Variants in TPO observed in about 807,000 individuals in gnomAD.
TPO encodes the protein thyroid peroxidase, also known as thyroid microsomal antigen.
A neutral mutation model predicts 96.9 loss-of-function variants in TPO; 78 were observed. The ratio of observed to expected loss-of-function variants is 0.81; its 90% confidence interval spans 0.67 to 0.97. TPO has a LOEUF of 0.97. TPO is among the 50% of genes least tolerant of loss of function. TPO has a pLI of 0.00. For missense variants in TPO, 1,252 were observed against 1,274.8 expected, an observed-to-expected ratio of 0.98 and a Z score of 0.27; for synonymous variants, 547 against 538.0, an observed-to-expected ratio of 1.02 and a Z score of -0.23.
chr2:1,512,456 A>G, intron 14 of TPO: 2 of 985,448 alleles, frequency 2.0e-6, no homozygotes, highest in South Asian at 9.4e-5. Context: ...GCCCGTGCTC[A>G]GGGCAGCTGT....
upstream of TPO, among the ~76,000 whole-genome samples, chr2:1,410,454 G>A (rs377350999): frequency 6.6e-6 from 1 of 152,186 alleles, no homozygotes; most frequent in Non-Finnish European, 1.5e-5. Context: ...ATTACAGGTG[G>A]TCCTGGGCCT....
At chr2:1,471,355 C>G (rs1227462620) in intron 7 of TPO, among the ~76,000 whole-genome samples, 2 of 152,098 alleles carry the variant, frequency 1.3e-5, no homozygotes, top group Non-Finnish European at 2.9e-5. Context: ...ACATTTCTCA[C>G]CCTCTTATGC....
intron 7 of TPO, among the ~76,000 whole-genome samples, chr2:1,459,518 A>G (rs13394978): frequency 0.38 from 57,136 of 151,952 alleles, 10,932 homozygotes; most frequent in South Asian, 0.48. Context: ...CATTCATTCA[A>G]TAAAACTTCA....
At chr2:1,472,494 A>G (rs914637712) in intron 7 of TPO, among the ~76,000 whole-genome samples, 2 of 152,184 alleles carry the variant, frequency 1.3e-5, no homozygotes, top group African/African-American at 4.8e-5. Flanking sequence ...TGCTGAGTAC[A>G]CGTTCTGTAT....
intron 13 of TPO, among the ~76,000 whole-genome samples, chr2:1,503,346 G>A (rs1673060006): frequency 6.6e-6 from 1 of 152,228 alleles, no homozygotes; most frequent in Non-Finnish European, 1.5e-5. Context: ...GAAGACCTGT[G>A]ACACGCTACA....
chr2:1,405,593 C>A (rs1662239235), intron 1 of TPO, among the ~76,000 whole-genome samples: 1 of 152,040 alleles, frequency 6.6e-6, no homozygotes, highest in Non-Finnish European at 1.5e-5. Flanking sequence ...CCTTTTATCT[C>A]CCCCAGAACA....
chr2:1,526,676 ATCC>A (rs1393419951), intron 15 of TPO, among the ~76,000 whole-genome samples: 1 of 84,450 alleles, frequency 1.2e-5, no homozygotes, highest in African/African-American at 5.1e-5. Flanking sequence ...AACTGTGTTC[ATCC>A]TCCCCAAATC....
In TPO at chr2:1,540,154, G is replaced by T. The variant is rs116501453; in HGVS notation, c.2619-440G>T. Among the ~76,000 whole-genome samples, 806 of 152,180 alleles carry T rather than the reference G, an allele frequency of 5.3e-3. 9 individuals carry two copies. Among genetic ancestry groups the T allele is most frequent in the African/African-American group, 0.018 (752 of 41,512 alleles). On this transcript the variant is annotated intron_variant, in intron 15 of 16. Transcript: ENST00000329066. ...GGCGCTTCCTCCCCCTCATCTCCAG[G>T]TCGGGGCTGGGGTCTTCAGGCTCAG... is the stretch of plus-strand genomic sequence containing the variant.
intron 14 of TPO, among the ~76,000 whole-genome samples, chr2:1,516,303 C>T (rs1249737703): frequency 2.0e-5 from 3 of 152,178 alleles, no homozygotes; most frequent in Non-Finnish European, 4.4e-5. Context: ...GCTGATGAGA[C>T]CCAGGATGAG....
Position 1,512,410 on chromosome 2 carries a change from C to T in TPO, c.2519-4473C>T, listed in dbSNP as rs529211831. ...CTCCAGATCCTGCCCCCGCCAAGGG[C>T]GTCCGAGAGAGCCCCTGAGCCCGGC... On this transcript the variant is annotated intron_variant, in intron 14 of 16. Coordinates refer to ENST00000329066, the MANE Select transcript of TPO (RefSeq NM_001206744.2). 1.8e-5 allele frequency: 18 copies of T among 985,472 alleles called. No homozygotes were observed. In the East Asian group the frequency reaches 8.0e-4, roughly 44 times the overall value. The allele number at this position is 985,472 out of a possible 1,614,324, so 61.0% of individuals were successfully genotyped here. A position where few individuals can be genotyped will look rare whatever the true frequency, so the allele number is the denominator to read the frequency against.
rs1325365173 is a variant in TPO, at chr2:1,534,417, C to G, written c.2619-6177C>G. Among the ~76,000 whole-genome samples the G allele has an allele frequency of 1.6e-5, 2 of 128,610 alleles. 1 individual carries two copies. The highest frequency in any genetic ancestry group is 5.7e-4 in the East Asian group (2 of 3,496). 84.4% of individuals were successfully genotyped at this position (128,610 alleles called of 152,430 possible). A position where few individuals can be genotyped will look rare whatever the true frequency, so the allele number is the denominator to read the frequency against. ...TGTGCAACCTCCCCAAATCCGCCCC[C>G]ACCCTGTGCAGCCTCACAAAATTAC... On this transcript the variant is annotated intron_variant, in intron 15 of 16. Coordinates refer to ENST00000329066, the MANE Select transcript of TPO (RefSeq NM_001206744.2).
chr2:1,530,216 A>C (rs1329242746), intron 15 of TPO, among the ~76,000 whole-genome samples: 1 of 22,340 alleles, frequency 4.5e-5, no homozygotes, highest in Admixed American at 5.5e-4. Context: ...ACTGTGTGCA[A>C]CCTCCTCTAG....
At chr2:1,540,431 TC>T (rs1680600750) in intron 15 of TPO, among the ~76,000 whole-genome samples, 162 bp from the exon 16 acceptor site, 1 of 146,100 alleles carries the variant, frequency 6.8e-6, no homozygotes, top group Admixed American at 6.9e-5. Context: ...CCAAAATATA[TC>T]AGATTATGAT....
In TPO at chr2:1,477,424, C is replaced by CG. The variant is rs1489286372; in HGVS notation, c.1161dup (p.Pro388AlafsTer84). 1 of 1,523,854 alleles carries CG rather than the reference C, an allele frequency of 6.6e-7. No individual in the cohort carries two copies. The highest frequency in any genetic ancestry group is 8.8e-7 in the Non-Finnish European group (1 of 1,139,680). 94.4% of individuals were successfully genotyped at this position (1,523,854 alleles called of 1,614,324 possible). A position where few individuals can be genotyped will look rare whatever the true frequency, so the allele number is the denominator to read the frequency against. ...AGCCCGGCATCCCCGGAGAGACCCG[C>CG]GGGCCCTGCTTCCTGGCCGGAGACG... On this transcript the variant is annotated frameshift_variant, in exon 8 of 17. Coordinates refer to ENST00000329066, the MANE Select transcript of TPO (RefSeq NM_001206744.2). LOFTEE classifies it high-confidence loss of function.
rs1481742354 is a variant in TPO at position 1,535,268 on chromosome 2, TCCCCCA to T, written c.2619-5325_2619-5320del. Among the ~76,000 whole-genome samples the T allele has an allele frequency of 2.9e-3, 363 of 125,330 alleles. 28 individuals are homozygous for T. Among genetic ancestry groups the T allele is most frequent in the Middle Eastern group, 5.6e-3 (1 of 178 alleles). The allele number at this position is 125,330 out of a possible 152,430, so 82.2% of individuals were successfully genotyped here. On this transcript the variant is annotated intron_variant, in intron 15 of 16. Transcript: ENST00000329066. ...CCCCACTCTGTGCAACCTCCCAAAA[TCCCCCA>T]TACTGTATGCAACCTCCTCAAATCC...
intron 14 of TPO, among the ~76,000 whole-genome samples, chr2:1,504,530 C>T (rs1348132125): frequency 6.6e-6 from 1 of 152,226 alleles, no homozygotes; most frequent in Non-Finnish European, 1.5e-5. Flanking sequence ...CGGATGTCCC[C>T]GCCCGGCATG....
intron 15 of TPO, among the ~76,000 whole-genome samples, chr2:1,529,446 C>G (rs1427537139): frequency 9.0e-6 from 1 of 111,436 alleles, no homozygotes; most frequent in African/African-American, 4.2e-5. Flanking sequence ...TCCCAAATCC[C>G]CCCACTGTGT....
At chr2:1,438,156 G>C (rs11886972) in intron 5 of TPO, among the ~76,000 whole-genome samples, 48,702 of 150,600 alleles carry the variant, frequency 0.32, 8,843 homozygotes, top group South Asian at 0.48. Context: ...GGGGTCTAAC[G>C]TGCAGGTACA....
In TPO at chr2:1,483,754, G is replaced by A. The variant is rs371248922; in HGVS notation, c.1339-842G>A. On this transcript the variant is annotated intron_variant, in intron 8 of 16. Coordinates refer to ENST00000329066, the MANE Select transcript of TPO (RefSeq NM_001206744.2). ...GGTCTCCGAGGTGGAGCGGGACAGC[G>A]AGGGCAGGTGCACCTTCAGTGAAGG... 2.0e-5 allele frequency among the ~76,000 whole-genome samples: 3 copies of A among 152,320 alleles called. No individual in the cohort carries two copies. The South Asian group carries it at 6.2e-4, about 32-fold the overall frequency.
Sources: gnomAD v4.1 joint callset for allele counts (sites outside exome capture counted in the v4.1 genomes callset) on GRCh38, gnomAD v4.1.1 for gene constraint, MANE v1.5 for transcripts, NCBI Gene and HGNC (gene_info 2026-07-23, HGNC 2026-07-21) for gene names.